Variants in B3GNT8 observed in about 807,000 individuals in gnomAD.
The protein encoded by B3GNT8 is UDP-GlcNAc:betaGal beta-1,3-N-acetylglucosaminyltransferase 8.
For synonymous variants in B3GNT8, 258 were observed against 238.3 expected (o/e 1.08, Z -0.76); for missense variants, 502 against 530.5 (o/e 0.95, Z 0.53).
At position 41,426,724 on chromosome 19, in the gene B3GNT8, G is replaced by C. The variant is rs760634523; in HGVS notation, c.55C>G (p.Leu19Val). The C allele has an allele frequency of 3.1e-6, 5 of 1,613,494 alleles. No individual in the cohort carries two copies. The East Asian group carries it at 1.1e-4, about 36-fold the overall frequency. The part of the protein sequence containing the change: ...CLSALLTLLG[L>V]KVYIEWTSES... ...GATGTCCACTCGATGTACACTTTGA[G>C]GCCCAGGAGTGTGAGCAGTGCTGAC... Residue 19 changes from leucine to valine, a missense_variant, in exon 2 of 2, where the codon CTC becomes GTC. By Grantham distance (32) the Leu-to-Val change is conservative (BLOSUM62 1). Coordinates refer to ENST00000691102, the MANE Select transcript of B3GNT8 (RefSeq NM_001385648.2). The surrounding 1 kb of genome is among the most constrained non-coding windows in gnomAD (Gnocchi z 4.9).
Position 41,425,602 on chromosome 19 carries a change from G to A in B3GNT8, c.1177C>T (p.Pro393Ser). 1.3e-6 allele frequency: 2 copies of A among 1,509,862 alleles called. No homozygotes were observed. Among genetic ancestry groups the A allele is most frequent in the South Asian group, 2.7e-5 (2 of 73,914 alleles). The allele number at this position is 1,509,862 out of a possible 1,614,324, so 93.5% of individuals were successfully genotyped here. A position where few individuals can be genotyped will look rare whatever the true frequency, so the allele number is the denominator to read the frequency against. ...AATGAGAGTCAGCACTGGAGCCTTG[G>A]GTCTTGCAGTTGTTTCCAGAGCCGA... is the stretch of plus-strand genomic sequence containing the variant. ...SIRLWKQLQDPRLQC is the reference protein window; with the variant it reads ...SIRLWKQLQDSRLQC Residue 393 changes from proline (P) to serine (S), a missense_variant, in exon 2 of 2, where the codon CCA becomes TCA. Transcript: ENST00000691102.
At position 41,426,288 on chromosome 19, in the gene B3GNT8, C is replaced by T. The variant is rs771847482; in HGVS notation, c.491G>A (p.Arg164Gln). 5 of 1,613,416 alleles carry T rather than the reference C, an allele frequency of 3.1e-6. No homozygotes were observed. The highest frequency in any genetic ancestry group is 1.6e-4 in the Middle Eastern group (1 of 6,062). Residue 164 changes from arginine to glutamine, a missense_variant, in exon 2 of 2, where the codon CGA becomes CAA. Physicochemically the swap from Arg to Gln is conservative, Grantham distance 43 (BLOSUM62 1). Coordinates refer to ENST00000691102, the MANE Select transcript of B3GNT8 (RefSeq NM_001385648.2). The surrounding 1 kb of genome is among the most constrained non-coding windows in gnomAD (Gnocchi z 4.9). ...VKSEPGRFAE[R>Q]QAVRETWGSP... ...GCCCCACGTCTCTCTCACGGCCTGTCGTTCTGCAAAGCGCCCTGGTTCTGA... is the reference window on the plus strand; with the variant it reads ...GCCCCACGTCTCTCTCACGGCCTGTTGTTCTGCAAAGCGCCCTGGTTCTGA...
Position 41,426,032 on chromosome 19 carries a change from G to A in B3GNT8, c.747C>T (p.Ala249=). Residue 249 remains alanine, a synonymous_variant, in exon 2 of 2, where the codon GCC becomes GCT. Coordinates refer to ENST00000691102, the MANE Select transcript of B3GNT8 (RefSeq NM_001385648.2). The surrounding 1 kb of genome is among the most constrained non-coding windows in gnomAD (Gnocchi z 4.9). ...CCAGCAGGGCAGGGGTGTGTACAAA[G>A]GCATCGTCCTGAGCTCGCAAGACAA... The part of the protein sequence containing the change: ...VSFVLRAQDD[A]FVHTPALLAH... The A allele has an allele frequency of 6.2e-7, 1 of 1,613,394 alleles. No individual in the cohort carries two copies. The highest frequency in any genetic ancestry group is 1.1e-5 in the South Asian group (1 of 91,078).
chr19:41,426,165 C>T lies in B3GNT8; in HGVS notation c.614G>A (p.Arg205His), dbSNP rs767735450. 8.1e-6 allele frequency: 13 copies of T among 1,613,710 alleles called. No individual in the cohort carries two copies. The highest frequency in any genetic ancestry group is 1.6e-4 in the Middle Eastern group (1 of 6,084). The change falls in exon 2 of 2, where the codon CGC (arginine) becomes CAC (histidine). Residue 205 changes from arginine to histidine, a missense_variant. Transcript: ENST00000691102. The surrounding 1 kb of genome is among the most constrained non-coding windows in gnomAD (Gnocchi z 4.9). ...LDSLVAWESRRYSDLLLWDFL... is the reference protein window; with the variant it reads ...LDSLVAWESRHYSDLLLWDFL... The stretch of plus-strand genomic sequence containing the variant: ...GTCCCAGAGCAGCAGGTCACTGTAG[C>T]GACGGCTCTCCCAGGCCACTAGTGA...
chr19:41,428,482 C>T (rs929158421), upstream of B3GNT8: 5 of 152,738 alleles, frequency 3.3e-5, no homozygotes, highest in African/African-American at 1.2e-4. The surrounding 1 kb of genome is among the most constrained non-coding windows in gnomAD (Gnocchi z 6.1). Context: ...GTTTGCATCC[C>T]TGCCCTCCAG....
In B3GNT8 at chr19:41,425,563, C is replaced by A; in HGVS notation, c.*22G>T. On this transcript the variant is annotated 3_prime_UTR_variant, in exon 2 of 2. Transcript: ENST00000691102. ...CCCAGAGGCCCAGGCCAGGTCAGCACCTCCGCCCTCCCCAATGAGAGTCAG... is the reference window on the plus strand; with the variant it reads ...CCCAGAGGCCCAGGCCAGGTCAGCAACTCCGCCCTCCCCAATGAGAGTCAG... 1 of 926,098 alleles carries A rather than the reference C, an allele frequency of 1.1e-6. No individual in the cohort carries two copies. Among genetic ancestry groups the A allele is most frequent in the Non-Finnish European group, 1.5e-6 (1 of 682,466 alleles). 57.4% of individuals were successfully genotyped at this position (926,098 alleles called of 1,614,324 possible).
At position 41,425,587 on chromosome 19, in the gene B3GNT8, A is replaced by G; in HGVS notation, c.1192T>C (p.Ter398ArgextTer28). The G allele has an allele frequency of 6.7e-7, 1 of 1,494,388 alleles. No homozygotes were observed. The highest frequency in any genetic ancestry group is 1.4e-5 in the South Asian group (1 of 70,596). 92.6% of individuals were successfully genotyped at this position (1,494,388 alleles called of 1,614,324 possible). ...ACCTCCGCCCTCCCCAATGAGAGTC[A>G]GCACTGGAGCCTTGGGTCTTGCAGT... ...KQLQDPRLQC* is the reference protein window; with the variant it reads ...KQLQDPRLQCR Residue 398 changes from the stop codon to arginine (R), a stop_lost, in exon 2 of 2, where the codon TGA (stop) becomes CGA (arginine). Coordinates refer to ENST00000691102, the MANE Select transcript of B3GNT8 (RefSeq NM_001385648.2).
Position 41,426,269 on chromosome 19 carries a change from C to T in B3GNT8, c.510G>A (p.Thr170=), listed in dbSNP as rs755856349. 1.9e-5 allele frequency: 31 copies of T among 1,613,302 alleles called. No individual in the cohort carries two copies. The highest frequency in any genetic ancestry group is 1.1e-4 in the South Asian group (10 of 91,082). ...RFAERQAVRE[T]WGSPAPGIRL... is the part of the protein sequence containing the mutation. ...GGATCCCTGGAGCTGGACTGCCCCA[C>T]GTCTCTCTCACGGCCTGTCGTTCTG... Residue 170 remains threonine (T), a synonymous_variant, in exon 2 of 2, where the codon ACG becomes ACA. Transcript: ENST00000691102. This position sits in a 1 kb window ranked among gnomAD's most constrained non-coding sequence, Gnocchi z 4.9.
Position 41,425,870 on chromosome 19 carries a change from G to C in B3GNT8, c.909C>G (p.Ala303=), listed in dbSNP as rs746123600. 9.3e-6 allele frequency: 15 copies of C among 1,613,084 alleles called. No individual in the cohort carries two copies. The South Asian group carries it at 1.2e-4, about 13-fold the overall frequency. The change falls in exon 2 of 2, where the codon GCC becomes GCG. Residue 303 remains alanine (A), a synonymous_variant. Coordinates refer to ENST00000691102, the MANE Select transcript of B3GNT8 (RefSeq NM_001385648.2). The part of the protein sequence containing the change: ...PESFFEGGYP[A]YASGGGYVIA... ...TGACGTAGCCACCCCCGCTTGCATA[G>C]GCTGGGTAGCCACCTTCGAAGAAGG...
Position 41,426,590 on chromosome 19 carries a change from GC to G in B3GNT8, c.188del (p.Gly63AlafsTer105), listed in dbSNP as rs1359091933. On this transcript the variant is annotated frameshift_variant, in exon 2 of 2. Transcript: ENST00000691102. LOFTEE classifies it low-confidence loss of function (END_TRUNC). This position sits in a 1 kb window ranked among gnomAD's most constrained non-coding sequence, Gnocchi z 4.9. ...TLPANLSTRL[G>X]QTIPLPFAYW... ...AAGCAAAGGGCAGCGGGATAGTCTGGCCCAGGCGGGTGGAGAGGTTGGCAGG... is the reference window on the plus strand; with the variant it reads ...AAGCAAAGGGCAGCGGGATAGTCTGGCCAGGCGGGTGGAGAGGTTGGCAGG... 3.1e-6 allele frequency: 5 copies of G among 1,608,934 alleles called. No individual in the cohort carries two copies. The highest frequency in any genetic ancestry group is 4.2e-6 in the Non-Finnish European group (5 of 1,177,748).
At position 41,426,149 on chromosome 19, in the gene B3GNT8, C is replaced by A; in HGVS notation, c.630G>T (p.Leu210=). ...AWESRRYSDL[L]LWDFLDVPFN... is the part of the protein sequence containing the mutation. The stretch of plus-strand genomic sequence containing the variant: ...ATGGGACGTCGAGGAAGTCCCAGAG[C>A]AGCAGGTCACTGTAGCGACGGCTCT... Residue 210 remains leucine (L), a synonymous_variant, in exon 2 of 2, where the codon CTG becomes CTT. Transcript: ENST00000691102. This position sits in a 1 kb window ranked among gnomAD's most constrained non-coding sequence, Gnocchi z 4.9. 2 of 1,613,818 alleles carry A rather than the reference C, an allele frequency of 1.2e-6. No homozygotes were observed.
rs1205396971 is a variant in B3GNT8 at position 41,426,737 on chromosome 19, G to C, written c.42C>G (p.Leu14=). 1 of 1,613,264 alleles carries C rather than the reference G, an allele frequency of 6.2e-7. No individual in the cohort carries two copies. ...PKCLLCLSAL[L]TLLGLKVYIE... ...TGTACACTTTGAGGCCCAGGAGTGT[G>C]AGCAGTGCTGACAGGCAGAGAAGGC... The change falls in exon 2 of 2, where the codon CTC becomes CTG. Residue 14 remains leucine, a synonymous_variant. Transcript: ENST00000691102. This position sits in a 1 kb window ranked among gnomAD's most constrained non-coding sequence, Gnocchi z 4.9.
In B3GNT8 at chr19:41,426,518, G is replaced by T. The variant is rs749885444; in HGVS notation, c.261C>A (p.Asp87Glu). The stretch of plus-strand genomic sequence containing the variant: ...CCTGGCAGCCCCCCGTTTCAGTGCT[G>T]TCCCCACTGGGCAGGGACCCCAGCC... Reference protein sequence around the residue: ...QWRLGSLPSGDSTETGGCQAW... With the variant: ...QWRLGSLPSGESTETGGCQAW... The change falls in exon 2 of 2, where the codon GAC becomes GAA. Residue 87 changes from aspartate to glutamate, a missense_variant. Physicochemically the swap from Asp to Glu is conservative, Grantham distance 45. Transcript: ENST00000691102. The surrounding 1 kb of genome is among the most constrained non-coding windows in gnomAD (Gnocchi z 4.9). 35 of 1,592,684 alleles carry T rather than the reference G, an allele frequency of 2.2e-5. No homozygotes were observed. Among genetic ancestry groups the T allele is most frequent in the Non-Finnish European group, 2.7e-5 (31 of 1,169,678 alleles).
chr19:41,426,761 G>A lies in B3GNT8; in HGVS notation c.18C>T (p.Cys6=). ...TGAGCAGTGCTGACAGGCAGAGAAG[G>A]CACTTGGGGCAGCGCATGACCCGGC... MRCPK[C]LLCLSALLTL... is the part of the protein sequence containing the mutation. The change falls in exon 2 of 2, where the codon TGC becomes TGT. Residue 6 remains cysteine, a synonymous_variant. Transcript: ENST00000691102. This position sits in a 1 kb window ranked among gnomAD's most constrained non-coding sequence, Gnocchi z 4.9. 1 of 1,612,280 alleles carries A rather than the reference G, an allele frequency of 6.2e-7. No individual in the cohort carries two copies. Among genetic ancestry groups the A allele is most frequent in the Non-Finnish European group, 8.5e-7 (1 of 1,179,926 alleles).
chr19:41,426,909 C>T lies in B3GNT8; in HGVS notation c.-32-99G>A. 1 of 904,582 alleles carries T rather than the reference C, an allele frequency of 1.1e-6. No homozygotes were observed. Among genetic ancestry groups the T allele is most frequent in the Non-Finnish European group, 1.7e-6 (1 of 584,128 alleles). 56.0% of individuals were successfully genotyped at this position (904,582 alleles called of 1,614,324 possible). On this transcript the variant is annotated intron_variant, in intron 1 of 1. Transcript: ENST00000691102. The surrounding 1 kb of genome is among the most constrained non-coding windows in gnomAD (Gnocchi z 4.9). ...GGCCCCAGGCAGACAGCTTCACAAT[C>T]TCCCATAGTCCCCGCCAACCCCCAT...
upstream of B3GNT8, among the ~76,000 whole-genome samples, chr19:41,428,427 A>G (rs1354703638): frequency 2.0e-5 from 3 of 152,094 alleles, no homozygotes; most frequent in African/African-American, 7.2e-5. The surrounding 1 kb of genome is among the most constrained non-coding windows in gnomAD (Gnocchi z 6.1). Context: ...GACTCCAGGA[A>G]CACTCACATC....
chr19:41,425,554 A>G lies in B3GNT8; in HGVS notation c.*31T>C. On this transcript the variant is annotated 3_prime_UTR_variant, in exon 2 of 2. Coordinates refer to ENST00000691102, the MANE Select transcript of B3GNT8 (RefSeq NM_001385648.2). ...GGGGCCGGCCCCAGAGGCCCAGGCC[A>G]GGTCAGCACCTCCGCCCTCCCCAAT... The G allele has an allele frequency of 2.1e-6, 3 of 1,454,416 alleles. No homozygotes were observed. The highest frequency in any genetic ancestry group is 2.7e-6 in the Non-Finnish European group (3 of 1,099,826). 90.1% of individuals were successfully genotyped at this position (1,454,416 alleles called of 1,614,324 possible). A position where few individuals can be genotyped will look rare whatever the true frequency, so the allele number is the denominator to read the frequency against.
At position 41,425,942 on chromosome 19, in the gene B3GNT8, C is replaced by G; in HGVS notation, c.837G>C (p.Gln279His). Reference sequence around the variant, plus strand: ...CTCCTGGCTTCCGGAGAGGCATGGCCTGGGTAAAGACCTCACCCAGGTAGA... The same window carrying G: ...CTCCTGGCTTCCGGAGAGGCATGGCGTGGGTAAAGACCTCACCCAGGTAGA... ...RSLYLGEVFT[Q>H]AMPLRKPGGP... Residue 279 changes from glutamine to histidine, a missense_variant, in exon 2 of 2, where the codon CAG (glutamine) becomes CAC (histidine). Physicochemically the swap from Gln to His is conservative, Grantham distance 24. Coordinates refer to ENST00000691102, the MANE Select transcript of B3GNT8 (RefSeq NM_001385648.2). 1 of 1,613,270 alleles carries G rather than the reference C, an allele frequency of 6.2e-7. No individual in the cohort carries two copies.
At chr19:41,427,831 A>G (rs555040383), upstream of B3GNT8, among the ~76,000 whole-genome samples, 2 of 151,158 alleles carry the variant, frequency 1.3e-5, no homozygotes, top group Non-Finnish European at 3.0e-5. The surrounding 1 kb of genome is among the most constrained non-coding windows in gnomAD (Gnocchi z 5.6). Context: ...GGCCTGCCAG[A>G]GGGATGTTTG....
Sources: gnomAD v4.1 joint callset for allele counts (sites outside exome capture counted in the v4.1 genomes callset) on GRCh38, gnomAD v4.1.1 for gene constraint, Gnocchi (gnomAD v3.1) non-coding constraint, MANE v1.5 for transcripts, NCBI Gene and HGNC (gene_info 2026-07-23, HGNC 2026-07-21) for gene names.